The following CFAP43 variants were observed in gnomAD, a reference collection of about 807,000 sequenced individuals.
CFAP43 encodes the protein cilia- and flagella-associated protein 43.
In CFAP43, 155 loss-of-function variants were observed where a neutral mutation model predicts 218.9. The observed-to-expected ratio is 0.71, with a 90% CI of 0.62 to 0.81. The LOEUF (loss-of-function observed/expected upper bound fraction) is 0.81, where lower values mean the gene tolerates loss of function less well. CFAP43 is among the 30% of genes least tolerant of loss of function. The probability of loss-of-function intolerance (pLI) is 0.00; values close to 1 mark genes in which losing one functional copy is unlikely to be tolerated. For missense variants in CFAP43, 1,778 were observed against 1,954.3 expected (o/e 0.91, Z 1.70); for synonymous variants, 645 against 681.3 (o/e 0.95, Z 0.83).
At chr10:104,157,761 TGTGTGTGTGTGTGTGA>T (rs1276698233) in intron 27 of CFAP43, among the ~76,000 whole-genome samples, 2 of 124,614 alleles carry the variant, frequency 1.6e-5, no homozygotes, top group Non-Finnish European at 3.3e-5. Flanking sequence ...TGTGTGTGTG[TGTGTGTGTGTGTGTGA>T]GAGAGAGAGA....
chr10:104,162,168 C>T, intron 25 of CFAP43, 127 bp from the exon 26 acceptor site: 1 of 1,244,232 alleles, frequency 8.0e-7, no homozygotes, highest in Non-Finnish European at 1.2e-6. Context: ...TAGGTAGTGC[C>T]TGGAGGAGAG....
intron 3 of CFAP43, among the ~76,000 whole-genome samples, chr10:104,222,187 C>A (rs1202823786): frequency 6.6e-6 from 1 of 152,128 alleles, no homozygotes; most frequent in Non-Finnish European, 1.5e-5. Flanking sequence ...CTCTTTTGAA[C>A]TTTTACTAAA....
intron 10 of CFAP43, among the ~76,000 whole-genome samples, chr10:104,194,440 G>T (rs1170722815): frequency 3.3e-5 from 5 of 152,058 alleles, no homozygotes; most frequent in Non-Finnish European, 7.4e-5. Context: ...TAGCGATGGG[G>T]TCTTCCTCTG....
At chr10:104,161,233 T>G in intron 26 of CFAP43, 71 bp from the exon 27 acceptor site, 3 of 1,440,914 alleles carry the variant, frequency 2.1e-6, no homozygotes, top group East Asian at 2.4e-5. Flanking sequence ...AAGCTCAGAG[T>G]TTTTTTTAAA....
chr10:104,188,383 G>T lies in CFAP43; in HGVS notation c.1574C>A (p.Ser525Tyr). ...TEVAKDILQI[S>Y]TVSLLETDIV... is the part of the protein sequence containing the mutation. ...GTCTGTTTCTAAAAGAGACACTGTG[G>T]ATATCTGTAAAATGTCTTTGGCCAC... Residue 525 changes from serine to tyrosine, a missense_variant, in exon 13 of 38, where the codon TCC (serine) becomes TAC (tyrosine). Transcript: ENST00000357060. The T allele has an allele frequency of 6.2e-7, 1 of 1,613,986 alleles. No individual in the cohort carries two copies. Among genetic ancestry groups the T allele is most frequent in the Non-Finnish European group, 8.5e-7 (1 of 1,179,964 alleles).
chr10:104,184,864 T>C, intron 16 of CFAP43, 152 bp downstream of exon 16: 5 of 1,265,852 alleles, frequency 3.9e-6, no homozygotes, highest in Non-Finnish European at 5.3e-6. Context: ...GAATGCAGTG[T>C]ACGCTTCTCT....
chr10:104,135,320 G>A (rs770496715), intron 34 of CFAP43, among the ~76,000 whole-genome samples: 27 of 152,058 alleles, frequency 1.8e-4, no homozygotes, highest in African/African-American at 3.1e-4. Context: ...GATCAGGAAC[G>A]AGACAAGGAT....
At chr10:104,200,165 G>A (rs2090491739) in intron 8 of CFAP43, among the ~76,000 whole-genome samples, 1 of 152,192 alleles carries the variant, frequency 6.6e-6, no homozygotes, top group Middle Eastern at 3.2e-3. Context: ...TACGTCTTTA[G>A]ATGAATGCAC....
Position 104,131,457 on chromosome 10 carries a change from T to G in CFAP43, c.4705A>C (p.Lys1569Gln). ...TTTCCAAGTTTTTTGAGTAGTTTCT[T>G]GCAGTTTTCCACATTCTTTTTGTGC... ...KMHKKNVENC[K>Q]KLLKKLGKFS... is the part of the protein sequence containing the mutation. The change falls in exon 37 of 38, where the codon AAG (lysine) becomes CAG (glutamine). Residue 1569 changes from lysine to glutamine, a missense_variant. Transcript: ENST00000357060. 2.5e-6 allele frequency: 4 copies of G among 1,612,644 alleles called. No homozygotes were observed.
intron 27 of CFAP43, among the ~76,000 whole-genome samples, chr10:104,154,833 C>A (rs763491693): frequency 6.6e-6 from 1 of 152,210 alleles, no homozygotes; most frequent in African/African-American, 2.4e-5. Flanking sequence ...TCCCACTCTT[C>A]GGCCTCTTCA....
chr10:104,164,945 A>G (rs1245140260), intron 23 of CFAP43, among the ~76,000 whole-genome samples: 2 of 152,184 alleles, frequency 1.3e-5, no homozygotes, highest in African/African-American at 4.8e-5. Context: ...TTTTGTACAA[A>G]ATCCACTATA....
At chr10:104,155,933 C>T (rs1350664584) in intron 27 of CFAP43, among the ~76,000 whole-genome samples, 2 of 150,154 alleles carry the variant, frequency 1.3e-5, no homozygotes, top group Non-Finnish European at 3.0e-5. Context: ...AGGCAGGGGG[C>T]AGAGGAACTA....
chr10:104,158,910 T>C (rs1394022476), intron 27 of CFAP43, among the ~76,000 whole-genome samples: 2 of 152,088 alleles, frequency 1.3e-5, no homozygotes, highest in African/African-American at 4.8e-5. Context: ...ACAATATATA[T>C]ATAACATATA....
intron 37 of CFAP43, among the ~76,000 whole-genome samples, chr10:104,130,584 G>T (rs1407553369): frequency 1.3e-5 from 2 of 152,192 alleles, no homozygotes; most frequent in African/African-American, 4.8e-5. Context: ...CAACATGGAT[G>T]TAGCTGGAAG....
At chr10:104,213,896 G>A (rs1450789341) in intron 4 of CFAP43, among the ~76,000 whole-genome samples, 1 of 152,132 alleles carries the variant, frequency 6.6e-6, no homozygotes, top group Non-Finnish European at 1.5e-5. Flanking sequence ...GGGCATCTGA[G>A]TAATAGCAAA....
At chr10:104,140,001 C>T (rs548160521) in intron 34 of CFAP43, among the ~76,000 whole-genome samples, 11 of 152,184 alleles carry the variant, frequency 7.2e-5, no homozygotes, top group Middle Eastern at 3.4e-3. Flanking sequence ...TTAAATAACA[C>T]GCTTTTAAAT....
At chr10:104,161,009 G>C in intron 27 of CFAP43, 28 bp downstream of exon 27, 1 of 1,578,530 alleles carries the variant, frequency 6.3e-7, no homozygotes, top group South Asian at 1.1e-5. Flanking sequence ...GGATATGGTA[G>C]GTTATATTAA....
intron 20 of CFAP43, among the ~76,000 whole-genome samples, chr10:104,171,278 T>A (rs2089401151): frequency 6.6e-6 from 1 of 152,242 alleles, no homozygotes; most frequent in South Asian, 2.1e-4. Context: ...GCAGAATGAA[T>A]GAAGGAATGA....
rs1198642166 is a variant in CFAP43 at position 104,232,261 on chromosome 10, T to C, written c.-15A>G. 1 of 1,596,302 alleles carries C rather than the reference T, an allele frequency of 6.3e-7. No homozygotes were observed. Among genetic ancestry groups the C allele is most frequent in the Non-Finnish European group, 8.5e-7 (1 of 1,173,432 alleles). ...CCTTGCGCCATGGGCAGTGTTTTCC[T>C]CAGGCGGGAGCAGGCAGCGCACGCA... On this transcript the variant is annotated 5_prime_UTR_variant, in exon 1 of 38. Coordinates refer to ENST00000357060, the MANE Select transcript of CFAP43 (RefSeq NM_025145.7).
Sources: gnomAD v4.1 joint callset for allele counts (sites outside exome capture counted in the v4.1 genomes callset) on GRCh38, gnomAD v4.1.1 for gene constraint, MANE v1.5 for transcripts, NCBI Gene and HGNC (gene_info 2026-07-23, HGNC 2026-07-21) for gene names.